Variants in SYTL5 observed in about 807,000 individuals in gnomAD.
The protein encoded by SYTL5 is synaptotagmin-like protein 5.
In SYTL5, 34 loss-of-function variants were observed where a neutral mutation model predicts 55.9. The ratio of observed to expected loss-of-function variants is 0.61; its 90% CI spans 0.46 to 0.81. The LOEUF (loss-of-function observed/expected upper bound fraction) is 0.81, where lower values mean the gene tolerates loss of function less well. Ranked by LOEUF, SYTL5 falls within the 30% of genes least tolerant of loss-of-function variation. The pLI is 0.00. For synonymous variants in SYTL5, 221 were observed against 188.7 expected, an observed-to-expected ratio of 1.17 and a Z score of -1.40; for missense variants, 637 against 546.7, an observed-to-expected ratio of 1.17 and a Z score of -1.65.
chrX:37,940,911 T>C, the SYTL5 span, among the ~76,000 whole-genome samples: 3 of 111,000 alleles, frequency 2.7e-5, no homozygotes, highest in Non-Finnish European at 5.7e-5. Flanking sequence ...GTTTTCACTC[T>C]TCATGACTAT....
the SYTL5 span, among the ~76,000 whole-genome samples, chrX:37,934,660 A>C: frequency 3.0e-5 from 3 of 100,852 alleles, no homozygotes; most frequent in Non-Finnish European, 5.9e-5. Flanking sequence ...TTTGAGATGG[A>C]GTCTTGATCT....
chrX:37,964,244 C>T, the SYTL5 span, among the ~76,000 whole-genome samples: 1 of 111,789 alleles, frequency 8.9e-6, no homozygotes, highest in Non-Finnish European at 1.9e-5. Context: ...AGCAGACCTT[C>T]ACTAGACAAA....
At chrX:37,977,747 C>T in the SYTL5 span, among the ~76,000 whole-genome samples, 131 of 93,291 alleles carry the variant, frequency 1.4e-3, no homozygotes, top group African/African-American at 4.7e-3. Context: ...CACACACACA[C>T]GAAGAGGGTA....
At chrX:38,036,423 T>G (rs750760594) in intron 2 of SYTL5, among the ~76,000 whole-genome samples, 1 of 111,826 alleles carries the variant, frequency 8.9e-6, no homozygotes, top group South Asian at 3.8e-4. Context: ...TTAAATTGGG[T>G]GTAATATACA....
At chrX:38,031,536 C>G (rs970319086) in intron 1 of SYTL5, among the ~76,000 whole-genome samples, 1 of 111,869 alleles carries the variant, frequency 8.9e-6, no homozygotes, top group Admixed American at 9.5e-5. Context: ...TAGCTACCAA[C>G]CCCTTGAATA....
chrX:38,007,503 G>A (rs1387984570), intron 1 of SYTL5, among the ~76,000 whole-genome samples: 2 of 111,308 alleles, frequency 1.8e-5, no homozygotes, highest in African/African-American at 6.5e-5. Flanking sequence ...GAGAAAACAG[G>A]AGTTATATAT....
At chrX:38,049,340 C>T (rs188649916) in intron 2 of SYTL5, among the ~76,000 whole-genome samples, 175 of 111,639 alleles carry the variant, frequency 1.6e-3, no homozygotes, top group African/African-American at 5.6e-3. Flanking sequence ...GGTTTGGCTG[C>T]GGGTGACAGA....
At chrX:37,914,787 A>G in the SYTL5 span, among the ~76,000 whole-genome samples, 1 of 112,286 alleles carries the variant, frequency 8.9e-6, no homozygotes, top group Middle Eastern at 4.6e-3. Context: ...AAGATGCTGT[A>G]CTAACAAAGG....
chrX:37,898,323 G>C, the SYTL5 span, among the ~76,000 whole-genome samples: 1 of 111,482 alleles, frequency 9.0e-6, no homozygotes. Flanking sequence ...ATGAATGTGG[G>C]GGGACACAAA....
intron 10 of SYTL5, among the ~76,000 whole-genome samples, chrX:38,102,798 T>C (rs1025225912): frequency 8.9e-6 from 1 of 112,067 alleles, no homozygotes; most frequent in Non-Finnish European, 1.9e-5. Flanking sequence ...GCCAGTCATT[T>C]ATCCTAAAAC....
chrX:38,007,981 G>A (rs193265697), intron 1 of SYTL5, among the ~76,000 whole-genome samples: 1 of 111,524 alleles, frequency 9.0e-6, no homozygotes, highest in African/African-American at 3.3e-5. Context: ...CTTCTGATAG[G>A]TTTAGTGAAT....
the SYTL5 span, among the ~76,000 whole-genome samples, chrX:37,929,771 T>C: frequency 0.091 from 10,126 of 111,804 alleles, 667 homozygotes; most frequent in African/African-American, 0.22. Flanking sequence ...GAGTTGCTTA[T>C]GTAAAGCACT....
the SYTL5 span, chrX:37,990,874 C>T: frequency 8.3e-7 from 1 of 1,209,308 alleles, no homozygotes; most frequent in Admixed American, 2.2e-5. Flanking sequence ...AACTCGTCTA[C>T]AAATAACAAC....
At chrX:37,961,659 T>G in the SYTL5 span, among the ~76,000 whole-genome samples, 1 of 112,228 alleles carries the variant, frequency 8.9e-6, no homozygotes, top group Admixed American at 9.5e-5. Context: ...ATAATTTACA[T>G]GCTTTGCATA....
the SYTL5 span, chrX:37,946,061 AC>A: frequency 8.4e-6 from 1 of 119,753 alleles, no homozygotes; most frequent in Non-Finnish European, 1.9e-5. Context: ...GTTCATGAAA[AC>A]TTTTATTTCT....
chrX:37,921,838 G>GA, the SYTL5 span, among the ~76,000 whole-genome samples: 1 of 111,625 alleles, frequency 9.0e-6, no homozygotes, highest in Non-Finnish European at 1.9e-5. Context: ...CAATAATAGT[G>GA]AAAAAATTGG....
the SYTL5 span, among the ~76,000 whole-genome samples, chrX:37,900,142 A>G: frequency 9.1e-6 from 1 of 109,500 alleles, no homozygotes; most frequent in African/African-American, 3.4e-5. Flanking sequence ...ACACACACAC[A>G]ATGGTGAGGG....
intron 6 of SYTL5, among the ~76,000 whole-genome samples, chrX:38,085,523 C>T (rs1456140606): frequency 8.9e-6 from 1 of 112,201 alleles, no homozygotes; most frequent in African/African-American, 3.2e-5. Flanking sequence ...TTTCTAACTG[C>T]AACCTTCCTT....
chrX:37,953,439 G>A, the SYTL5 span, among the ~76,000 whole-genome samples: 3 of 111,564 alleles, frequency 2.7e-5, no homozygotes, highest in Admixed American at 9.5e-5. Flanking sequence ...ATAATCATAT[G>A]AGAACACTCA....
Sources: allele counts gnomAD v4.1 joint callset (sites outside exome capture counted in the v4.1 genomes callset), GRCh38; gene constraint gnomAD v4.1.1; transcripts MANE v1.5; gene names NCBI Gene and HGNC (gene_info 2026-07-23, HGNC 2026-07-21).